Variants in SP3 observed in about 807,000 individuals in gnomAD.
SP3 encodes Sp3 transcription factor, also known as transcription factor Sp3.
In SP3, 10 loss-of-function variants were observed where a neutral mutation model predicts 70.3. The ratio of observed to expected loss-of-function variants is 0.14; its 90% confidence interval spans 0.09 to 0.24. The LOEUF is 0.24. Ranked by LOEUF, SP3 falls within the 10% of genes least tolerant of loss-of-function variation. The pLI, the probability that SP3 is intolerant of heterozygous loss-of-function variation, is 1.00. For synonymous variants in SP3, 402 were observed against 333.5 expected, an observed-to-expected ratio of 1.21 and a Z score of -2.24; for missense variants, 825 against 914.6, an observed-to-expected ratio of 0.90 and a Z score of 1.26.
At chr2:173,962,170 T>C (rs1691109831) in intron 3 of SP3, among the ~76,000 whole-genome samples, 1 of 152,274 alleles carries the variant, frequency 6.6e-6, no homozygotes, top group Non-Finnish European at 1.5e-5. Flanking sequence ...GGAGACAGTA[T>C]TCTATCCTTG....
chr2:173,924,238 C>A (rs1689844827), intron 4 of SP3, among the ~76,000 whole-genome samples: 2 of 152,100 alleles, frequency 1.3e-5, no homozygotes, highest in South Asian at 4.1e-4. Flanking sequence ...CTTTTATTAA[C>A]CTTTCATTTT....
At chr2:173,958,568 G>T (rs1470384345) in intron 3 of SP3, among the ~76,000 whole-genome samples, 1 of 142,270 alleles carries the variant, frequency 7.0e-6, no homozygotes, top group East Asian at 2.0e-4. Flanking sequence ...TACCTGTGAA[G>T]CACAACGATG....
At chr2:173,933,653 T>C (rs1323460835) in intron 4 of SP3, among the ~76,000 whole-genome samples, 5 of 140,918 alleles carry the variant, frequency 3.5e-5, no homozygotes, top group Non-Finnish European at 7.7e-5. Flanking sequence ...TATATATATA[T>C]ATATATATAT....
chr2:173,942,716 T>C (rs1328129694), intron 4 of SP3, among the ~76,000 whole-genome samples: 1 of 152,194 alleles, frequency 6.6e-6, no homozygotes, highest in Non-Finnish European at 1.5e-5. Flanking sequence ...AACAAAGCCA[T>C]AACAGACTTA....
intron 4 of SP3, among the ~76,000 whole-genome samples, chr2:173,944,711 C>T (rs1690482593): frequency 6.6e-6 from 1 of 152,144 alleles, no homozygotes; most frequent in South Asian, 2.1e-4. Flanking sequence ...ATCCAGAATC[C>T]TTATTTGCAT....
At position 173,963,795 on chromosome 2, in the gene SP3, G is replaced by A. The variant is rs1224518193; in HGVS notation, c.245C>T (p.Ala82Val). The A allele has an allele frequency of 3.5e-6, 5 of 1,418,512 alleles. No homozygotes were observed. The highest frequency in any genetic ancestry group is 1.4e-5 in the South Asian group (1 of 72,430). The allele number at this position is 1,418,512 out of a possible 1,614,324, so 87.9% of individuals were successfully genotyped here. A position where few individuals can be genotyped will look rare whatever the true frequency, so the allele number is the denominator to read the frequency against. ...GGCGGCGGGGGCCCCGGCTGCGGCG[G>A]CCGCCTCCTCCTCGTCGTCGCCCGG... Reference protein sequence around the residue: ...PSPGDDEEEAAAAAGAPAAAG... With the variant: ...PSPGDDEEEAVAAAGAPAAAG... Residue 82 changes from alanine to valine, a missense_variant, in exon 3 of 7, where the codon GCC (alanine) becomes GTC (valine). Physicochemically the swap from Ala to Val is moderately conservative, Grantham distance 64 (BLOSUM62 0). Around this residue, in one of 4 missense-constraint regions of SP3, gnomAD observed 678 missense variants for 651.6 expected, o/e 1.04. Coordinates refer to ENST00000310015, the MANE Select transcript of SP3 (RefSeq NM_003111.5).
At chr2:173,961,826 G>T (rs889502988) in intron 3 of SP3, among the ~76,000 whole-genome samples, 1 of 151,406 alleles carries the variant, frequency 6.6e-6, no homozygotes, top group Admixed American at 6.6e-5. Context: ...TAAATTTTTA[G>T]CAAATTTTCT....
chr2:173,928,434 C>CA (rs1479182602), intron 4 of SP3, among the ~76,000 whole-genome samples: 1 of 151,692 alleles, frequency 6.6e-6, no homozygotes, highest in Non-Finnish European at 1.5e-5. Context: ...GCCACTGCTG[C>CA]AATGGCTAGG....
chr2:173,922,074 C>A (rs1158966415), intron 4 of SP3, among the ~76,000 whole-genome samples: 1 of 152,052 alleles, frequency 6.6e-6, no homozygotes, highest in Admixed American at 6.5e-5. Flanking sequence ...TACAAATTAC[C>A]CAGTCCCAGA....
rs1214123084 is a variant in SP3, at chr2:173,902,552, A to G, written c.*7389T>C. ...TTCATTGCAGCATTGTTTATAAGTC[A>G]AAAATTGGAAATAACTGAGATGCTC... On this transcript the variant is annotated 3_prime_UTR_variant, in exon 7 of 7. Coordinates refer to ENST00000310015, the MANE Select transcript of SP3 (RefSeq NM_003111.5). 6.6e-6 allele frequency among the ~76,000 whole-genome samples: 1 copy of G among 152,230 alleles called. No homozygotes were observed. Among genetic ancestry groups the G allele is most frequent in the East Asian group, 1.9e-4 (1 of 5,196 alleles).
chr2:173,918,117 TTACCTTTA>T (rs1689657388), intron 5 of SP3, among the ~76,000 whole-genome samples: 1 of 152,090 alleles, frequency 6.6e-6, no homozygotes, highest in South Asian at 2.1e-4. Context: ...GTCTTAATGT[TTACCTTTA>T]AAAAGACTGA....
rs926963054 is a variant in SP3 at position 173,905,483 on chromosome 2, T to C, written c.*4458A>G. Among the ~76,000 whole-genome samples, 3 of 151,950 alleles carry C rather than the reference T, an allele frequency of 2.0e-5. No homozygotes were observed. The highest frequency in any genetic ancestry group is 7.3e-5 in the African/African-American group (3 of 41,338). On this transcript the variant is annotated 3_prime_UTR_variant, in exon 7 of 7. Transcript: ENST00000310015. ...AGATTCAGAAGCAAGAGTTAAAAGG[T>C]GAAAAATGGGGAAAAGGACTGAAGG...
intron 4 of SP3, among the ~76,000 whole-genome samples, chr2:173,933,433 A>C: frequency 6.6e-6 from 1 of 151,792 alleles, no homozygotes; most frequent in African/African-American, 2.4e-5. Flanking sequence ...CAGTGGCTTA[A>C]AACAAAGGTC....
At chr2:173,957,973 T>C (rs562259280) in intron 3 of SP3, among the ~76,000 whole-genome samples, 1 of 152,270 alleles carries the variant, frequency 6.6e-6, no homozygotes, top group East Asian at 1.9e-4. Context: ...TTTCCTAACA[T>C]TACAGTGACA....
chr2:173,919,555 G>A (rs1224944163), intron 4 of SP3, among the ~76,000 whole-genome samples: 2 of 151,902 alleles, frequency 1.3e-5, no homozygotes, highest in South Asian at 2.1e-4. Flanking sequence ...ATAAGGCTCA[G>A]GAGAAACAAA....
rs1327046569 is a variant in SP3 at position 173,907,458 on chromosome 2, G to T, written c.*2483C>A. 1 of 151,924 alleles carries T rather than the reference G, an allele frequency of 6.6e-6. No homozygotes were observed. The highest frequency in any genetic ancestry group is 1.9e-4 in the East Asian group (1 of 5,188). The allele number at this position is 151,924 out of a possible 1,614,324, so 9.4% of individuals were successfully genotyped here. A position where few individuals can be genotyped will look rare whatever the true frequency, so the allele number is the denominator to read the frequency against. On this transcript the variant is annotated 3_prime_UTR_variant, in exon 7 of 7. Transcript: ENST00000310015. Reference sequence around the variant, plus strand: ...CTGAGGTTACATAACTTTGGTAAAAGTTCCAAAGTTCACTAATATATTCCT... The same window carrying T: ...CTGAGGTTACATAACTTTGGTAAAATTTCCAAAGTTCACTAATATATTCCT...
intron 3 of SP3, among the ~76,000 whole-genome samples, chr2:173,957,534 G>A (rs1690935024): frequency 6.6e-6 from 1 of 152,118 alleles, no homozygotes; most frequent in Admixed American, 6.5e-5. Context: ...TATGCAGTTT[G>A]GAGTTGAAGA....
chr2:173,917,881 T>C (rs1689652108), intron 5 of SP3, among the ~76,000 whole-genome samples: 2 of 152,076 alleles, frequency 1.3e-5, no homozygotes, highest in African/African-American at 4.8e-5. Context: ...CTATCCAAGT[T>C]TTCTTTTTGT....
chr2:173,956,415 T>G (rs918851002), intron 3 of SP3, among the ~76,000 whole-genome samples, 183 bp from the exon 4 acceptor site: 1 of 152,206 alleles, frequency 6.6e-6, no homozygotes, highest in African/African-American at 2.4e-5. Context: ...GTTTTGTTAC[T>G]GCAAAGACAA....
Sources: gnomAD v4.1 joint callset for allele counts (sites outside exome capture counted in the v4.1 genomes callset) on GRCh38, gnomAD v4.1.1 for gene constraint, gnomAD v4.1.1 regional missense constraint, MANE v1.5 for transcripts, NCBI Gene and HGNC (gene_info 2026-07-23, HGNC 2026-07-21) for gene names.